YAE1: variants seen among roughly 807,000 people sequenced by gnomAD.
YAE1 encodes protein YAE1 homolog.
In YAE1, 22 loss-of-function variants were observed where a neutral mutation model predicts 23.0. That is an observed-to-expected ratio of 0.96 (90% CI 0.68 to 1.37). The LOEUF (loss-of-function observed/expected upper bound fraction) is 1.37. YAE1 is among the 40% of genes most tolerant of loss of function. YAE1 has a pLI of 0.00. For synonymous variants in YAE1, 101 were observed against 97.0 expected (o/e 1.04, Z -0.24); for missense variants, 260 against 262.1 (o/e 0.99, Z 0.06).
chr7:39,604,163 A>G (rs1426657635), intron 2 of YAE1, among the ~76,000 whole-genome samples: 2 of 152,220 alleles, frequency 1.3e-5, no homozygotes, highest in Admixed American at 1.3e-4. Context: ...CAAAGTGGCT[A>G]TAGCTGTGCC....
chr7:39,580,462 A>G (rs554470199), intron 2 of YAE1, among the ~76,000 whole-genome samples: 1 of 152,338 alleles, frequency 6.6e-6, no homozygotes, highest in Admixed American at 6.5e-5. Flanking sequence ...AATCAGAACT[A>G]CCTACAGATT....
chr7:39,593,650 G>A (rs1286171541), intron 2 of YAE1, among the ~76,000 whole-genome samples: 2 of 152,024 alleles, frequency 1.3e-5, no homozygotes, highest in African/African-American at 2.4e-5. Context: ...AAGAGACAGG[G>A]TTTTGCCACA....
chr7:39,581,002 AG>A (rs1441188599), intron 2 of YAE1, among the ~76,000 whole-genome samples: 4 of 152,352 alleles, frequency 2.6e-5, no homozygotes, highest in African/African-American at 9.6e-5. Context: ...CTTGCCAAGC[AG>A]GACTGCACCT....
At chr7:39,598,759 A>G (rs948411235) in intron 2 of YAE1, among the ~76,000 whole-genome samples, 22 of 150,386 alleles carry the variant, frequency 1.5e-4, no homozygotes, top group African/African-American at 5.2e-4. Flanking sequence ...CCTAGGTGAC[A>G]AAGTGAGACC....
At chr7:39,607,590 T>C (rs1369493860) in intron 2 of YAE1, among the ~76,000 whole-genome samples, 1 of 152,238 alleles carries the variant, frequency 6.6e-6, no homozygotes, top group African/African-American at 2.4e-5. Context: ...TAATACACTT[T>C]TTGTTGTTTT....
chr7:39,575,682 T>G (rs111402499), downstream of YAE1, among the ~76,000 whole-genome samples: 1,127 of 152,296 alleles, frequency 7.4e-3, 6 homozygotes, highest in Non-Finnish European at 0.011. Context: ...AACAGTTGCC[T>G]TTCTTGATTT....
At chr7:39,600,299 AG>A (rs1791037066) in intron 2 of YAE1, among the ~76,000 whole-genome samples, 1 of 152,222 alleles carries the variant, frequency 6.6e-6, no homozygotes. Flanking sequence ...GTTTGGAAAT[AG>A]GGTTATTGAT....
At chr7:39,593,195 T>TTTTTTTTTTTTTTG in intron 2 of YAE1, among the ~76,000 whole-genome samples, 1 of 132,960 alleles carries the variant, frequency 7.5e-6, no homozygotes, top group Non-Finnish European at 1.6e-5. Flanking sequence ...TTTTTTTTTT[T>TTTTTTTTTTTTTTG]TTTTTTTGAG....
Position 39,566,464 on chromosome 7 carries a change from A to C in YAE1, c.46A>C (p.Lys16Gln), listed in dbSNP as rs1340549134. The C allele has an allele frequency of 6.2e-7, 1 of 1,614,006 alleles. No homozygotes were observed. Among genetic ancestry groups the C allele is most frequent in the Non-Finnish European group, 8.5e-7 (1 of 1,179,988 alleles). ...CTCCTTGATCCAGGGCCCTGGAGAC[A>C]AAGGGGACGTGTTTGACGAAGAAGC... ...AASLIQGPGD[K>Q]GDVFDEEADE... The change falls in exon 1 of 3, where the codon AAA (lysine) becomes CAA (glutamine). Residue 16 changes from lysine to glutamine, a missense_variant. Coordinates refer to ENST00000223273, the MANE Select transcript of YAE1 (RefSeq NM_020192.5).
chr7:39,591,399 T>A (rs551051778), intron 2 of YAE1, among the ~76,000 whole-genome samples: 13 of 152,344 alleles, frequency 8.5e-5, no homozygotes, highest in Admixed American at 2.0e-4. Flanking sequence ...TAAGCATTTT[T>A]TATGGGTCTG....
At chr7:39,590,744 T>C (rs1279719997) in intron 2 of YAE1, among the ~76,000 whole-genome samples, 1 of 152,212 alleles carries the variant, frequency 6.6e-6, no homozygotes, top group Admixed American at 6.5e-5. Context: ...ACTTTCCACC[T>C]GTGGCATCAT....
chr7:39,606,140 T>G (rs2115853035), intron 2 of YAE1, among the ~76,000 whole-genome samples: 1 of 152,246 alleles, frequency 6.6e-6, no homozygotes. Flanking sequence ...TGCTTCCAAT[T>G]GTTTTTCTTC....
chr7:39,568,347 A>G (rs1462135410), intron 1 of YAE1, among the ~76,000 whole-genome samples: 2 of 152,060 alleles, frequency 1.3e-5, no homozygotes, highest in Non-Finnish European at 2.9e-5. Flanking sequence ...GATGCCAAAG[A>G]TACATTTAAA....
At chr7:39,583,885 A>C (rs1202702037) in intron 2 of YAE1, among the ~76,000 whole-genome samples, 2 of 152,216 alleles carry the variant, frequency 1.3e-5, no homozygotes, top group African/African-American at 4.8e-5. Context: ...TATTGTAAAG[A>C]ATCTGCATAT....
At chr7:39,598,580 C>T (rs1791010782) in intron 2 of YAE1, among the ~76,000 whole-genome samples, 1 of 151,730 alleles carries the variant, frequency 6.6e-6, no homozygotes, top group South Asian at 2.1e-4. Flanking sequence ...AGTGTGAAAC[C>T]AGCCTGGGCA....
intron 2 of YAE1, among the ~76,000 whole-genome samples, chr7:39,603,178 C>A (rs1263131511): frequency 1.3e-5 from 2 of 152,012 alleles, no homozygotes; most frequent in African/African-American, 4.8e-5. Flanking sequence ...GAGACGGAGT[C>A]TCGCTCTGTC....
intron 2 of YAE1, among the ~76,000 whole-genome samples, chr7:39,581,599 C>T (rs1790743292): frequency 1.3e-5 from 2 of 152,118 alleles, no homozygotes; most frequent in South Asian, 2.1e-4. Flanking sequence ...CACCCTGGCA[C>T]GGTGGCTCAT....
intron 2 of YAE1, among the ~76,000 whole-genome samples, chr7:39,582,869 A>G (rs1187338059): frequency 6.6e-6 from 1 of 152,240 alleles, no homozygotes; most frequent in Non-Finnish European, 1.5e-5. Flanking sequence ...GCTGATAGAA[A>G]GAATGAATGG....
intron 2 of YAE1, among the ~76,000 whole-genome samples, chr7:39,580,366 AAAG>A (rs1468128802): frequency 6.6e-6 from 1 of 152,208 alleles, no homozygotes; most frequent in East Asian, 1.9e-4. Flanking sequence ...GATCTGCCAA[AAAG>A]AGCCAAGAGT....
Sources: allele counts gnomAD v4.1 joint callset (sites outside exome capture counted in the v4.1 genomes callset), GRCh38; gene constraint gnomAD v4.1.1; transcripts MANE v1.5; gene names NCBI Gene and HGNC (gene_info 2026-07-23, HGNC 2026-07-21).